C2orf78: variants seen among roughly 807,000 people sequenced by gnomAD.
C2orf78 encodes chromosome 2 open reading frame 78.
C2orf78 carries 12 observed loss-of-function variants against 21.4 expected under a neutral mutation model. The observed-to-expected ratio is 0.56, with a 90% CI of 0.36 to 0.91. C2orf78 has a LOEUF of 0.91. C2orf78 is among the 40% of genes least tolerant of loss of function. The pLI is 0.01. For missense variants in C2orf78, 1,042 were observed against 1,092.4 expected, an observed-to-expected ratio of 0.95 and a Z score of 0.65; for synonymous variants, 396 against 413.9, an observed-to-expected ratio of 0.96 and a Z score of 0.52.
chr2:73,785,863 A>G (rs1672916971), intron 1 of C2orf78, among the ~76,000 whole-genome samples: 1 of 151,960 alleles, frequency 6.6e-6, no homozygotes, highest in South Asian at 2.1e-4. Context: ...CCTGACCAAC[A>G]AGGAGAAACC....
chr2:73,811,366 G>T (rs1203852989), intron 1 of C2orf78, among the ~76,000 whole-genome samples: 1 of 152,078 alleles, frequency 6.6e-6, no homozygotes, highest in Non-Finnish European at 1.5e-5. Context: ...TGGAGGACAT[G>T]TAATTTGCAG....
intron 1 of C2orf78, among the ~76,000 whole-genome samples, chr2:73,809,760 A>G (rs556981323): frequency 9.2e-5 from 14 of 152,320 alleles, no homozygotes; most frequent in Admixed American, 3.3e-4. Context: ...CTTCAGCCTG[A>G]GTGACAAAGT....
chr2:73,785,786 C>T (rs1467161580), intron 1 of C2orf78, among the ~76,000 whole-genome samples: 1 of 152,016 alleles, frequency 6.6e-6, no homozygotes, highest in South Asian at 2.1e-4. Context: ...GTGGCTTACA[C>T]CTGTAATCCC....
chr2:73,815,462 T>C (rs773051277), exon 3 of C2orf78: 107 of 1,613,816 alleles, frequency 6.6e-5, no homozygotes, highest in Non-Finnish European at 8.5e-5. Context: ...AGCCTGGTTC[T>C]GAAAATGCCA....
chr2:73,785,679 A>G (rs1456402186), intron 1 of C2orf78, among the ~76,000 whole-genome samples: 1 of 152,088 alleles, frequency 6.6e-6, no homozygotes, highest in East Asian at 1.9e-4. Flanking sequence ...CAGAAGTCAT[A>G]TTCAGTCACT....
intron 1 of C2orf78, chr2:73,808,775 C>G (rs1399197297): frequency 6.2e-5 from 91 of 1,472,876 alleles, no homozygotes; most frequent in Non-Finnish European, 8.1e-5. Flanking sequence ...TGACCAGTAA[C>G]CAGTGACCAG....
chr2:73,814,103 C>T lies in C2orf78; in HGVS notation c.724C>T (p.His242Tyr), dbSNP rs966522627. The change falls in exon 2 of 3, where the codon CAT becomes TAT. Residue 242 changes from histidine to tyrosine, a missense_variant. His to Tyr is a moderately conservative substitution (Grantham distance 83). Around this residue, in one of 2 missense-constraint regions of C2orf78, gnomAD observed 1,039 missense variants for 1,069.7 expected, o/e 0.97. Transcript: ENST00000409561. ...ATACACAGGATATAGGGCTTCTGCC[C>T]ATCAACCAGAAATGGTGATGGTGCT... 7 of 1,612,954 alleles carry T rather than the reference C, an allele frequency of 4.3e-6. No homozygotes were observed. The Admixed American group carries it at 1.2e-4, about 27-fold the overall frequency.
exon 3 of C2orf78, chr2:73,816,454 G>A (rs779160758): frequency 1.8e-5 from 29 of 1,613,766 alleles, no homozygotes; most frequent in Non-Finnish European, 2.3e-5. Context: ...CTAGCCTCAC[G>A]TAGGCCTGCT....
chr2:73,816,338 A>G, exon 3 of C2orf78: 1 of 1,613,854 alleles, frequency 6.2e-7, no homozygotes, highest in Non-Finnish European at 8.5e-7. Flanking sequence ...GTACATCTCC[A>G]TCCCACTCTG....
At chr2:73,808,510 G>A (rs1463373870) in intron 1 of C2orf78, among the ~76,000 whole-genome samples, 1 of 150,346 alleles carries the variant, frequency 6.7e-6, no homozygotes, top group Non-Finnish European at 1.5e-5. Flanking sequence ...AGAGCCTGGG[G>A]GAAAGTGGGA....
chr2:73,817,096 A>C, exon 3 of C2orf78: 1 of 1,242,358 alleles, frequency 8.0e-7, no homozygotes. Flanking sequence ...TAATAAAGAA[A>C]TGTAATAGAA....
intron 1 of C2orf78, among the ~76,000 whole-genome samples, chr2:73,809,188 G>A (rs570657192): frequency 7.2e-5 from 11 of 152,060 alleles, no homozygotes; most frequent in African/African-American, 1.9e-4. Flanking sequence ...AAGGGTATAC[G>A]TATAGAAAAT....
rs186592940 is a variant in C2orf78, at chr2:73,812,468, C to T, written c.98-1009C>T. Among the ~76,000 whole-genome samples the T allele has an allele frequency of 3.3e-3, 498 of 152,158 alleles. 2 individuals carry two copies. The highest frequency in any genetic ancestry group is 0.011 in the African/African-American group (472 of 41,510). ...TTACAACTTCTTTATAGACAGGCAG[C>T]CTGAAGCTCACAGAGTTTAACTAGC... On this transcript the variant is annotated intron_variant, in intron 1 of 2. Transcript: ENST00000409561.
chr2:73,816,274 C>G (rs756767934), exon 3 of C2orf78: 38 of 1,613,688 alleles, frequency 2.4e-5, no homozygotes, highest in Non-Finnish European at 3.1e-5. Context: ...GGTAAAGGCC[C>G]GGAGAAAATT....
intron 1 of C2orf78, among the ~76,000 whole-genome samples, chr2:73,811,381 C>G (rs1404803546): frequency 6.6e-6 from 1 of 152,080 alleles, no homozygotes; most frequent in African/African-American, 2.4e-5. Flanking sequence ...TTGCAGTGTG[C>G]TGTTTCTAAT....
chr2:73,810,104 A>G (rs1011990456), intron 1 of C2orf78, among the ~76,000 whole-genome samples: 13 of 152,232 alleles, frequency 8.5e-5, no homozygotes, highest in African/African-American at 2.9e-4. Flanking sequence ...TCAAAGGACT[A>G]GGAAGGAAAC....
At chr2:73,809,384 A>C (rs1019757625) in intron 1 of C2orf78, among the ~76,000 whole-genome samples, 1 of 152,056 alleles carries the variant, frequency 6.6e-6, no homozygotes, top group Non-Finnish European at 1.5e-5. Context: ...TCAGCCAGGC[A>C]CGGTGGCTCA....
chr2:73,810,004 T>G (rs7597302), intron 1 of C2orf78, among the ~76,000 whole-genome samples: 87,305 of 151,710 alleles, frequency 0.58, 26,507 homozygotes, highest in East Asian at 0.7. Flanking sequence ...AAAAAATATA[T>G]TTTAAATTTG....
At chr2:73,814,032 C>A in exon 2 of C2orf78, 1 of 1,614,008 alleles carries the variant, frequency 6.2e-7, no homozygotes, top group South Asian at 1.1e-5. Context: ...AATCAAGGCA[C>A]ACTGGGGCCT....
Sources: gnomAD v4.1 joint callset for allele counts (sites outside exome capture counted in the v4.1 genomes callset) on GRCh38, gnomAD v4.1.1 for gene constraint, gnomAD v4.1.1 regional missense constraint, MANE v1.5 for transcripts, NCBI Gene and HGNC (gene_info 2026-07-23, HGNC 2026-07-21) for gene names.